Variants in RPL39 observed in about 807,000 individuals in gnomAD.
The protein encoded by RPL39 is ribosomal protein L39, also known as large ribosomal subunit protein eL39.
For synonymous variants in RPL39, 8 were observed against 11.4 expected, an observed-to-expected ratio of 0.70 and a Z score of 0.60; for missense variants, 6 against 37.2, an observed-to-expected ratio of 0.16 and a Z score of 2.18.
At chrX:119,789,740 G>C (rs2055689122) in intron 2 of RPL39, among the ~76,000 whole-genome samples, 168 bp downstream of exon 2, 1 of 112,300 alleles carries the variant, frequency 8.9e-6, no homozygotes, top group Non-Finnish European at 1.9e-5. Context: ...TGGATGCAGT[G>C]CAGAAACAAA....
intron 1 of RPL39, 135 bp downstream of exon 1, chrX:119,791,439 C>T (rs763737310): frequency 1.1e-5 from 6 of 568,930 alleles, no homozygotes; most frequent in African/African-American, 9.6e-5. Flanking sequence ...CAACAGTGGC[C>T]GAACTGGATA....
chrX:119,791,491 C>A, intron 1 of RPL39, 83 bp downstream of exon 1: 1 of 935,912 alleles, frequency 1.1e-6, no homozygotes, highest in Non-Finnish European at 1.4e-6. Context: ...CCCCTCAACG[C>A]TCCGCGCGGC....
At chrX:119,791,312 C>G (rs1445867564) in intron 1 of RPL39, 2 of 292,061 alleles carry the variant, frequency 6.8e-6, no homozygotes, top group Non-Finnish European at 1.3e-5. Flanking sequence ...GGAATCCCTG[C>G]CCGACTCGGC....
chrX:119,789,532 G>A (rs2055687486), intron 2 of RPL39, among the ~76,000 whole-genome samples: 1 of 111,827 alleles, frequency 8.9e-6, no homozygotes, highest in Non-Finnish European at 1.9e-5. Flanking sequence ...ACTCCAGCCC[G>A]GGTAACAGAG....
chrX:119,787,835 A>T (rs892606034), intron 2 of RPL39, among the ~76,000 whole-genome samples: 22 of 110,545 alleles, frequency 2.0e-4, no homozygotes, highest in African/African-American at 7.2e-4. Context: ...TTTTTGGTAG[A>T]GATGGACGGG....
chrX:119,788,873 T>C (rs2147733542), intron 2 of RPL39, among the ~76,000 whole-genome samples: 1 of 112,448 alleles, frequency 8.9e-6, no homozygotes, highest in East Asian at 2.8e-4. Context: ...AGGTCCTTCA[T>C]AGCAATTCTA....
Position 119,791,596 on chromosome X carries a change from A to AACAC in RPL39, c.-24_-21dup. 1 of 1,174,655 alleles carries AACAC rather than the reference A, an allele frequency of 8.5e-7. No individual in the cohort carries two copies. The highest frequency in any genetic ancestry group is 1.1e-6 in the Non-Finnish European group (1 of 876,060). ...TACCATGGCGAGCAGCGGAGTCAAG[A>AACAC]ACACACCACGATGGCGGAGAAAGGA... On this transcript the variant is annotated 5_prime_UTR_variant, in exon 1 of 3. Coordinates refer to ENST00000361575, the MANE Select transcript of RPL39 (RefSeq NM_001000.4).
rs1299826411 is a variant in RPL39 at position 119,786,740 on chromosome X, GA to G, written c.108-9del. The G allele has an allele frequency of 8.3e-6, 10 of 1,198,607 alleles. No individual in the cohort carries two copies. The highest frequency in any genetic ancestry group is 3.6e-5 in the South Asian group (2 of 55,903). On this transcript the variant is annotated splice_polypyrimidine_tract_variant and intron_variant, in intron 2 of 2. Transcript: ENST00000361575. ...CTCCTTTTGGAGTTGTACCTACACA[GA>G]AAAAAATGTCAAGTTACAAAGGCAG... is the stretch of plus-strand genomic sequence containing the variant.
rs772358367 is a variant in RPL39 at position 119,788,304 on chromosome X, C to T, written c.108-1572G>A. ...ATCCCAGCATGTTGGGAGGCAGAGG[C>T]GCGTGAATCACGAGGTCAGGAGTTC... On this transcript the variant is annotated intron_variant, in intron 2 of 2. Transcript: ENST00000361575. Among the ~76,000 whole-genome samples, 18 of 111,251 alleles carry T rather than the reference C, an allele frequency of 1.6e-4. No homozygotes were observed. The Admixed American group carries it at 1.7e-3, about 11-fold the overall frequency.
intron 2 of RPL39, chrX:119,787,186 C>T (rs978075455): frequency 3.9e-6 from 1 of 256,440 alleles, no homozygotes. Flanking sequence ...AGGGTTTCAC[C>T]ATGTTGGCCA....
intron 1 of RPL39, chrX:119,791,234 T>G: frequency 4.3e-6 from 1 of 234,450 alleles, no homozygotes; most frequent in African/African-American, 2.8e-5. Flanking sequence ...CAGGCCACGA[T>G]TTCGGGGGTG....
intron 1 of RPL39, 127 bp from the exon 2 acceptor site, chrX:119,790,138 T>C: frequency 2.3e-6 from 1 of 429,765 alleles, no homozygotes; most frequent in East Asian, 3.8e-5. Context: ...TTCTCAATGC[T>C]AAGCCATCAA....
chrX:119,786,749 G>T lies in RPL39; in HGVS notation c.108-17C>A, dbSNP rs2055667913. 6.7e-6 allele frequency: 8 copies of T among 1,188,775 alleles called. No homozygotes were observed. Among genetic ancestry groups the T allele is most frequent in the Non-Finnish European group, 9.1e-6 (8 of 876,477 alleles). On this transcript the variant is annotated splice_polypyrimidine_tract_variant and intron_variant, in intron 2 of 2. Coordinates refer to ENST00000361575, the MANE Select transcript of RPL39 (RefSeq NM_001000.4). ...GAGTTGTACCTACACAGAAAAAAAT[G>T]TCAAGTTACAAAGGCAGTCTGACAG...
chrX:119,788,878 A>G (rs951906472), intron 2 of RPL39, among the ~76,000 whole-genome samples: 11 of 112,242 alleles, frequency 9.8e-5, no homozygotes, highest in African/African-American at 3.2e-4. Flanking sequence ...CTTCATAGCA[A>G]TTCTAGTAAT....
intron 1 of RPL39, chrX:119,791,228 C>T: frequency 4.3e-6 from 1 of 233,203 alleles, no homozygotes; most frequent in Non-Finnish European, 8.2e-6. Flanking sequence ...CACAGTCAGG[C>T]CACGATTTCG....
rs565303139 is a variant in RPL39 at position 119,790,974 on chromosome X, T to G, written c.3+600A>C. On this transcript the variant is annotated intron_variant, in intron 1 of 2. Transcript: ENST00000361575. ...ACATTTTACATTTCCCAGTAAAGAGTGACTGGTTCGCTGCTGCCATTTACT... is the reference window on the plus strand; with the variant it reads ...ACATTTTACATTTCCCAGTAAAGAGGGACTGGTTCGCTGCTGCCATTTACT... The G allele has an allele frequency of 1.7e-4, 20 of 116,919 alleles. 1 individual carries two copies. Among genetic ancestry groups the G allele is most frequent in the East Asian group, 5.7e-4 (2 of 3,538 alleles). 9.6% of individuals were successfully genotyped at this position (116,919 alleles called of 1,213,427 possible).
Position 119,791,546 on chromosome X carries a change from CGGGGCCGATG to C in RPL39, c.3+18_3+27del. 1 of 1,145,023 alleles carries C rather than the reference CGGGGCCGATG, an allele frequency of 8.7e-7. No individual in the cohort carries two copies. The highest frequency in any genetic ancestry group is 1.2e-6 in the Non-Finnish European group (1 of 859,737). 94.4% of individuals were successfully genotyped at this position (1,145,023 alleles called of 1,213,427 possible). A position where few individuals can be genotyped will look rare whatever the true frequency, so the allele number is the denominator to read the frequency against. ...GGCCTCGGGTTTTGGGAAGCCACCC[CGGGGCCGATG>C]GGGGCCGATGGACTTACCATGGCGA... is the stretch of plus-strand genomic sequence containing the variant. On this transcript the variant is annotated intron_variant, in intron 1 of 2. Coordinates refer to ENST00000361575, the MANE Select transcript of RPL39 (RefSeq NM_001000.4).
At chrX:119,787,330 G>A (rs751096787) in intron 2 of RPL39, 15 of 369,298 alleles carry the variant, frequency 4.1e-5, no homozygotes, top group South Asian at 2.6e-4. Context: ...TTCACGTCTA[G>A]TGCAGGGAAA....
intron 2 of RPL39, among the ~76,000 whole-genome samples, chrX:119,786,978 G>C (rs1299174895): frequency 1.8e-5 from 2 of 112,124 alleles, no homozygotes; most frequent in Non-Finnish European, 3.8e-5. Context: ...GAGTAGTGGC[G>C]AAGCCCACTC....
Sources: gnomAD v4.1 joint callset for allele counts (sites outside exome capture counted in the v4.1 genomes callset) on GRCh38, gnomAD v4.1.1 for gene constraint, MANE v1.5 for transcripts, NCBI Gene and HGNC (gene_info 2026-07-23, HGNC 2026-07-21) for gene names.